The following KANTR variants were observed in gnomAD, a reference collection of about 807,000 sequenced individuals.
KANTR encodes KDM5C adjacent transcript.
At chrX:53,106,137 G>A (rs1027470299) in intron 2 of KANTR, among the ~76,000 whole-genome samples, 8 of 108,850 alleles carry the variant, frequency 7.3e-5, no homozygotes, top group Non-Finnish European at 1.1e-4. Flanking sequence ...GATTACAGGC[G>A]TGAGCCACCG....
intron 2 of KANTR, among the ~76,000 whole-genome samples, chrX:53,114,675 A>C (rs1933096765): frequency 9.2e-6 from 1 of 108,739 alleles, no homozygotes; most frequent in Non-Finnish European, 1.9e-5. Flanking sequence ...CCACAAAAGC[A>C]CAGCTGGTTC....
chrX:53,143,785 A>G, downstream of KANTR: 2 of 524,409 alleles, frequency 3.8e-6, no homozygotes, highest in Non-Finnish European at 7.0e-6. Context: ...GCCCACCATC[A>G]CACCCTGGTG....
At chrX:53,110,193 T>A (rs1933012693) in intron 2 of KANTR, among the ~76,000 whole-genome samples, 1 of 112,258 alleles carries the variant, frequency 8.9e-6, no homozygotes, top group African/African-American at 3.2e-5. Context: ...TTCCTCTGGC[T>A]GGAACTTCTA....
At chrX:53,133,847 T>G (rs1933388799) in intron 2 of KANTR, among the ~76,000 whole-genome samples, 1 of 111,403 alleles carries the variant, frequency 9.0e-6, no homozygotes, top group African/African-American at 3.3e-5. Flanking sequence ...TGGCCTCATT[T>G]ATAACCGTAC....
intron 2 of KANTR, among the ~76,000 whole-genome samples, chrX:53,112,349 C>T (rs1324928420): frequency 8.9e-6 from 1 of 112,004 alleles, no homozygotes; most frequent in Non-Finnish European, 1.9e-5. Context: ...TATATATTAC[C>T]ACAGTTTCCT....
intron 2 of KANTR, among the ~76,000 whole-genome samples, chrX:53,114,438 G>A (rs1933093980): frequency 8.9e-6 from 1 of 112,675 alleles, no homozygotes; most frequent in African/African-American, 3.2e-5. Context: ...GACTGCCTTT[G>A]TCTGGGAAAG....
At chrX:53,113,142 A>G (rs1602119077) in intron 2 of KANTR, 1 of 275,975 alleles carries the variant, frequency 3.6e-6, no homozygotes, top group Non-Finnish European at 7.2e-6. Context: ...CGGGGATAGC[A>G]GTCAATTCCA....
intron 2 of KANTR, among the ~76,000 whole-genome samples, chrX:53,133,063 A>G (rs1205153209): frequency 9.0e-6 from 1 of 111,026 alleles, no homozygotes; most frequent in Non-Finnish European, 1.9e-5. Flanking sequence ...CAGGGAATAC[A>G]TAAAACAAGA....
At chrX:53,147,803 A>T (rs1933598059) in intron 3 of KANTR, among the ~76,000 whole-genome samples, 1 of 111,639 alleles carries the variant, frequency 9.0e-6, no homozygotes, top group East Asian at 2.8e-4. Flanking sequence ...AGAACTCAGG[A>T]TTAAGAAACT....
At chrX:53,098,837 C>T (rs1932866503) in intron 1 of KANTR, among the ~76,000 whole-genome samples, 1 of 110,672 alleles carries the variant, frequency 9.0e-6, no homozygotes, top group Admixed American at 9.7e-5. Flanking sequence ...GCAATCTTCC[C>T]ACCTCAGCCT....
intron 2 of KANTR, among the ~76,000 whole-genome samples, chrX:53,138,726 T>C (rs1933459908): frequency 9.4e-6 from 1 of 105,926 alleles, no homozygotes; most frequent in Non-Finnish European, 1.9e-5. Flanking sequence ...AAAAGAAATA[T>C]AAACAATGTG....
chrX:53,146,576 T>C (rs1399187582), downstream of KANTR, among the ~76,000 whole-genome samples: 1 of 111,802 alleles, frequency 8.9e-6, no homozygotes, highest in Non-Finnish European at 1.9e-5. Context: ...CAGGATATTA[T>C]CCAGGAGAAC....
At chrX:53,125,826 C>T (rs2146747617) in exon 3 of KANTR, 1 of 108,485 alleles carries the variant, frequency 9.2e-6, no homozygotes, top group East Asian at 2.8e-4. Flanking sequence ...CACACATCAT[C>T]CTTTGGGATC....
chrX:53,115,031 G>A (rs1406124927), intron 2 of KANTR, among the ~76,000 whole-genome samples: 1 of 111,784 alleles, frequency 8.9e-6, no homozygotes, highest in African/African-American at 3.3e-5. Context: ...CCCTGGGTCT[G>A]TTGGAGCATG....
At chrX:53,142,775 C>A, downstream of KANTR, 1 of 462,685 alleles carries the variant, frequency 2.2e-6, no homozygotes, top group Non-Finnish European at 4.0e-6. Flanking sequence ...ATGGAGGGGC[C>A]AGACTCATCA....
At chrX:53,122,641 T>A (rs1266289196) in intron 2 of KANTR, among the ~76,000 whole-genome samples, 1 of 112,045 alleles carries the variant, frequency 8.9e-6, no homozygotes, top group African/African-American at 3.2e-5. Flanking sequence ...TTTATTTTTT[T>A]AATAATGAAA....
chrX:53,146,327 C>G (rs1036295373), downstream of KANTR, among the ~76,000 whole-genome samples: 25 of 111,862 alleles, frequency 2.2e-4, no homozygotes, highest in African/African-American at 8.1e-4. Context: ...AACCACAGCA[C>G]AAGAACTATC....
intron 2 of KANTR, among the ~76,000 whole-genome samples, chrX:53,114,594 T>C (rs782329955): frequency 8.9e-6 from 1 of 112,078 alleles, no homozygotes; most frequent in South Asian, 3.7e-4. Flanking sequence ...CCATGGGGTT[T>C]GGCCTGGAGC....
downstream of KANTR, chrX:53,143,661 C>T: frequency 1.4e-6 from 1 of 736,704 alleles, no homozygotes; most frequent in Non-Finnish European, 2.1e-6. Context: ...GGTGCCAGAT[C>T]TTCTCCATGT....
Sources: gnomAD v4.1 joint callset for allele counts (sites outside exome capture counted in the v4.1 genomes callset) on GRCh38, gnomAD v4.1.1 for gene constraint, MANE v1.5 for transcripts, NCBI Gene and HGNC (gene_info 2026-07-23, HGNC 2026-07-21) for gene names.